Variants in GRM3 observed in about 807,000 individuals in gnomAD.
The protein encoded by GRM3 is metabotropic glutamate receptor 3.
A neutral mutation model predicts 70.5 loss-of-function variants in GRM3; 26 were observed. The ratio of observed to expected loss-of-function variants is 0.37; its 90% CI spans 0.27 to 0.51. The LOEUF is 0.51. GRM3 is among the 20% of genes least tolerant of loss of function. GRM3 has a pLI of 0.93. For synonymous variants in GRM3, 443 were observed against 434.9 expected, an observed-to-expected ratio of 1.02 and a Z score of -0.23; for missense variants, 859 against 1,123.8, an observed-to-expected ratio of 0.76 and a Z score of 3.37.
In GRM3 at chr7:86,839,001, C is replaced by A; in HGVS notation, c.1487C>A (p.Ser496Tyr). The A allele has an allele frequency of 6.2e-7, 1 of 1,614,128 alleles. No individual in the cohort carries two copies. Among genetic ancestry groups the A allele is most frequent in the Non-Finnish European group, 8.5e-7 (1 of 1,179,996 alleles). ...WAETLSLDVN[S>Y]IHWSRNSVPT... is the part of the protein sequence containing the mutation. The stretch of plus-strand genomic sequence containing the variant: ...GAAACCTTATCGCTAGATGTCAACT[C>A]TATCCACTGGTCCCGGAACTCAGTC... Residue 496 changes from serine to tyrosine, a missense_variant, in exon 4 of 6, where the codon TCT becomes TAT. Transcript: ENST00000361669. The surrounding 1 kb of genome is among the most constrained non-coding windows in gnomAD (Gnocchi z 4.5).
chr7:86,831,890 TAAG>T (rs1470977996), intron 3 of GRM3, among the ~76,000 whole-genome samples: 1 of 151,854 alleles, frequency 6.6e-6, no homozygotes, highest in African/African-American at 2.4e-5. Flanking sequence ...TTTCCACACG[TAAG>T]ACTGAGTACT....
intron 1 of GRM3, among the ~76,000 whole-genome samples, chr7:86,763,713 A>T (rs1796533995): frequency 6.6e-6 from 1 of 152,136 alleles, no homozygotes; most frequent in Non-Finnish European, 1.5e-5. Flanking sequence ...TGACGACAAA[A>T]TGAGGAGTTG....
chr7:86,765,365 T>C lies in GRM3; in HGVS notation c.220T>C (p.Phe74Leu). 1 of 1,613,934 alleles carries C rather than the reference T, an allele frequency of 6.2e-7. No individual in the cohort carries two copies. The highest frequency in any genetic ancestry group is 8.5e-7 in the Non-Finnish European group (1 of 1,179,884). The change falls in exon 2 of 6, where the codon TTT (phenylalanine) becomes CTT (leucine). Residue 74 changes from phenylalanine (F) to leucine (L), a missense_variant. Transcript: ENST00000361669. The part of the protein sequence containing the change: ...RGIQRLEAML[F>L]AIDEINKDDY... ...GATTCAACGCCTGGAAGCCATGTTGTTTGCTATTGATGAAATCAACAAAGA... is the reference window on the plus strand; with the variant it reads ...GATTCAACGCCTGGAAGCCATGTTGCTTGCTATTGATGAAATCAACAAAGA...
At chr7:86,749,398 G>A (rs1584213369) in intron 1 of GRM3, among the ~76,000 whole-genome samples, 1 of 152,056 alleles carries the variant, frequency 6.6e-6, no homozygotes, top group African/African-American at 2.4e-5. Context: ...CGCAGGAATT[G>A]CAGTTCAGGG....
chr7:86,711,015 T>G (rs915007831), intron 1 of GRM3, among the ~76,000 whole-genome samples: 4 of 152,054 alleles, frequency 2.6e-5, no homozygotes, highest in Non-Finnish European at 5.9e-5. Context: ...TTGCTTCACT[T>G]AACTTGTAAT....
At chr7:86,649,614 A>T (rs1793558654) in intron 1 of GRM3, among the ~76,000 whole-genome samples, 1 of 152,112 alleles carries the variant, frequency 6.6e-6, no homozygotes, top group Admixed American at 6.6e-5. Context: ...ATTTGAGTAA[A>T]TTCAGTTGAA....
intron 2 of GRM3, among the ~76,000 whole-genome samples, chr7:86,773,998 A>G (rs1469030529): frequency 2.0e-5 from 3 of 152,128 alleles, no homozygotes; most frequent in African/African-American, 4.8e-5. Flanking sequence ...ACGCGATAAA[A>G]AGCAAAGAAT....
At chr7:86,716,012 A>G (rs1795305519) in intron 1 of GRM3, among the ~76,000 whole-genome samples, 1 of 152,016 alleles carries the variant, frequency 6.6e-6, no homozygotes, top group Non-Finnish European at 1.5e-5. Flanking sequence ...GCAACCACCT[A>G]CGTGGTACTT....
At chr7:86,662,685 T>C (rs1243556045) in intron 1 of GRM3, among the ~76,000 whole-genome samples, 1 of 151,984 alleles carries the variant, frequency 6.6e-6, no homozygotes, top group African/African-American at 2.4e-5. Context: ...ATATTGCCTG[T>C]AATATATCTC....
intron 1 of GRM3, among the ~76,000 whole-genome samples, chr7:86,750,544 G>A (rs544121271): frequency 2.9e-4 from 44 of 152,000 alleles, no homozygotes; most frequent in South Asian, 6.2e-4. Flanking sequence ...AAATTGGGCC[G>A]TAAAAGAGAA....
chr7:86,778,373 G>A (rs1796951538), intron 2 of GRM3, among the ~76,000 whole-genome samples: 1 of 152,038 alleles, frequency 6.6e-6, no homozygotes, highest in Non-Finnish European at 1.5e-5. Flanking sequence ...AATTCTCATA[G>A]CACTAAAAAA....
chr7:86,843,502 C>T (rs1798597678), intron 4 of GRM3, among the ~76,000 whole-genome samples: 1 of 152,194 alleles, frequency 6.6e-6, no homozygotes, highest in Admixed American at 6.6e-5. Context: ...CGAGTCATCT[C>T]CTGCTGTATC....
At chr7:86,816,056 G>C (rs1798008684) in intron 3 of GRM3, among the ~76,000 whole-genome samples, 2 of 151,890 alleles carry the variant, frequency 1.3e-5, no homozygotes, top group Admixed American at 6.6e-5. Flanking sequence ...AGTTTCATGA[G>C]TACCTGGAAG....
chr7:86,822,028 C>G (rs1195295058), intron 3 of GRM3, among the ~76,000 whole-genome samples: 1 of 151,710 alleles, frequency 6.6e-6, no homozygotes, highest in Non-Finnish European at 1.5e-5. Context: ...GGTTGATCTG[C>G]TTCAGGTGGG....
intron 3 of GRM3, among the ~76,000 whole-genome samples, chr7:86,816,939 T>TGAAGA (rs56937073): frequency 0.39 from 58,587 of 151,320 alleles, 13,383 homozygotes; most frequent in African/African-American, 0.65. Context: ...AGGGAAAAGA[T>TGAAGA]GAAGAAAGAG....
chr7:86,759,828 TGG>T (rs1796435915), intron 1 of GRM3, among the ~76,000 whole-genome samples: 1 of 152,106 alleles, frequency 6.6e-6, no homozygotes, highest in African/African-American at 2.4e-5. Context: ...CTAAGACTTC[TGG>T]GGAAAAATAC....
intron 3 of GRM3, among the ~76,000 whole-genome samples, chr7:86,798,217 C>T (rs1252379008): frequency 6.6e-6 from 1 of 152,236 alleles, no homozygotes; most frequent in East Asian, 1.9e-4. Flanking sequence ...CCACCATCCT[C>T]CAGACCTGAG....
At position 86,765,488 on chromosome 7, in the gene GRM3, G is replaced by T. The variant is rs541049570; in HGVS notation, c.343G>T (p.Ala115Ser). Residue 115 changes from alanine to serine, a missense_variant, in exon 2 of 6, where the codon GCA becomes TCA. Ala to Ser is a moderately conservative substitution (Grantham distance 99). Coordinates refer to ENST00000361669, the MANE Select transcript of GRM3 (RefSeq NM_000840.3). ...GGAGCAATCACTGGAGTTTGTCAGGGCATCTTTGACAAAAGTGGATGAAGC... is the reference window on the plus strand; with the variant it reads ...GGAGCAATCACTGGAGTTTGTCAGGTCATCTTTGACAAAAGTGGATGAAGC... ...ALEQSLEFVRASLTKVDEAEY... is the reference protein window; with the variant it reads ...ALEQSLEFVRSSLTKVDEAEY... 1.2e-6 allele frequency: 2 copies of T among 1,613,882 alleles called. No homozygotes were observed. The highest frequency in any genetic ancestry group is 2.7e-5 in the African/African-American group (2 of 74,998).
At chr7:86,838,709 C>G in intron 3 of GRM3, 130 bp from the exon 4 acceptor site, 1 of 617,590 alleles carries the variant, frequency 1.6e-6, no homozygotes, top group East Asian at 2.7e-5. Flanking sequence ...TCAATGGTAA[C>G]TGATAAATTA....
Sources: allele counts gnomAD v4.1 joint callset (sites outside exome capture counted in the v4.1 genomes callset), GRCh38; gene constraint gnomAD v4.1.1; non-coding constraint Gnocchi (gnomAD v3.1); transcripts MANE v1.5; gene names NCBI Gene and HGNC (gene_info 2026-07-23, HGNC 2026-07-21).